Variants in UBXN4 observed in about 807,000 individuals in gnomAD.
UBXN4 encodes the protein UBX domain-containing protein 4.
In UBXN4, 35 loss-of-function variants were observed where a neutral mutation model predicts 66.2. The observed-to-expected ratio is 0.53, with a 90% CI of 0.40 to 0.70. The LOEUF is 0.70. Ranked by LOEUF, UBXN4 falls within the 30% of genes least tolerant of loss-of-function variation. UBXN4 has a pLI of 0.00. For synonymous variants in UBXN4, 203 were observed against 204.5 expected (o/e 0.99, Z 0.06); for missense variants, 533 against 599.8 (o/e 0.89, Z 1.16).
intron 1 of UBXN4, among the ~76,000 whole-genome samples, chr2:135,742,954 C>G (rs555453534): frequency 6.6e-6 from 1 of 152,268 alleles, no homozygotes; most frequent in Non-Finnish European, 1.5e-5. Flanking sequence ...CTATTTTGCT[C>G]CATATTCTCC....
chr2:135,778,341 A>G (rs1373174394), intron 10 of UBXN4, among the ~76,000 whole-genome samples: 2 of 151,734 alleles, frequency 1.3e-5, no homozygotes, highest in Non-Finnish European at 2.9e-5. Flanking sequence ...GGAATCTTCT[A>G]GGGAAAGATA....
chr2:135,767,964 T>G (rs1195385562), intron 6 of UBXN4, among the ~76,000 whole-genome samples: 1 of 152,158 alleles, frequency 6.6e-6, no homozygotes, highest in Non-Finnish European at 1.5e-5. Flanking sequence ...TGGAATCCCC[T>G]TCATATTGGG....
At chr2:135,746,661 A>G (rs1376835362) in intron 1 of UBXN4, among the ~76,000 whole-genome samples, 1 of 152,204 alleles carries the variant, frequency 6.6e-6, no homozygotes, top group Non-Finnish European at 1.5e-5. Flanking sequence ...AGAACATTCC[A>G]GGCAGAGGAA....
At position 135,780,089 on chromosome 2, in the gene UBXN4, C is replaced by T. The variant is rs544608586; in HGVS notation, c.1186-94C>T. The T allele has an allele frequency of 3.3e-4, 406 of 1,218,156 alleles. 2 individuals carry two copies. The East Asian group carries it at 9.6e-3, about 29-fold the overall frequency. The allele number at this position is 1,218,156 out of a possible 1,614,324, so 75.5% of individuals were successfully genotyped here. The stretch of plus-strand genomic sequence containing the variant: ...TTGAAGTAAACTAAAATTGGTAGGA[C>T]CTCCTTTTCCAGATAAAAGTTTCAT... On this transcript the variant is annotated intron_variant, in intron 11 of 12. Transcript: ENST00000272638.
At position 135,761,869 on chromosome 2, in the gene UBXN4, C is replaced by T. The variant is rs1221070827; in HGVS notation, c.560C>T (p.Ser187Leu). The T allele has an allele frequency of 6.2e-7, 1 of 1,613,614 alleles. No individual in the cohort carries two copies. The highest frequency in any genetic ancestry group is 8.5e-7 in the Non-Finnish European group (1 of 1,179,902). ...ATSSQEPSGC[S>L]DQRPAEDLNI... ...TCCTCTCAGGAGCCTAGTGGATGCT[C>T]AGATCAGAGACCTGCAGAGGACCTC... Residue 187 changes from serine (S) to leucine (L), a missense_variant, in exon 6 of 13, where the codon TCA (serine) becomes TTA (leucine). Ser to Leu is a moderately radical substitution (Grantham distance 145, BLOSUM62 -2). Coordinates refer to ENST00000272638, the MANE Select transcript of UBXN4 (RefSeq NM_014607.4).
chr2:135,776,493 T>G, intron 10 of UBXN4, 142 bp downstream of exon 10: 1 of 632,732 alleles, frequency 1.6e-6, no homozygotes, highest in Admixed American at 3.0e-5. Flanking sequence ...TGAGATATTG[T>G]GGAAATTCTG....
intron 1 of UBXN4, chr2:135,747,685 A>T: frequency 2.2e-6 from 1 of 456,328 alleles, no homozygotes; most frequent in Non-Finnish European, 4.4e-6. Context: ...CCCAGGCTGG[A>T]GTGCAGTGGT....
At chr2:135,754,074 A>G in intron 3 of UBXN4, 85 bp from the exon 4 acceptor site, 1 of 942,632 alleles carries the variant, frequency 1.1e-6, no homozygotes, top group Non-Finnish European at 1.6e-6. Flanking sequence ...CACAAAGATC[A>G]TTTGTTTTCC....
intron 11 of UBXN4, 123 bp from the exon 12 acceptor site, chr2:135,780,060 C>T: frequency 2.4e-5 from 19 of 778,348 alleles, no homozygotes; most frequent in South Asian, 5.8e-5. Context: ...ATCATTTTAC[C>T]CTCTTGAAGT....
At chr2:135,766,076 C>A (rs1366828246) in intron 6 of UBXN4, among the ~76,000 whole-genome samples, 1 of 151,790 alleles carries the variant, frequency 6.6e-6, no homozygotes, top group East Asian at 1.9e-4. Flanking sequence ...TTGCTTGAAC[C>A]CAGGACGTAG....
intron 10 of UBXN4, among the ~76,000 whole-genome samples, chr2:135,777,321 A>G (rs1419272037): frequency 6.6e-6 from 1 of 152,132 alleles, no homozygotes; most frequent in Non-Finnish European, 1.5e-5. Context: ...TTCAAGGTTA[A>G]AATTAGGGAT....
chr2:135,778,670 A>G (rs922899020), intron 10 of UBXN4, among the ~76,000 whole-genome samples: 1 of 152,188 alleles, frequency 6.6e-6, no homozygotes, highest in African/African-American at 2.4e-5. Context: ...GAGATACACA[A>G]TTGTCCATTT....
At chr2:135,757,994 T>C (rs1362710822) in intron 5 of UBXN4, among the ~76,000 whole-genome samples, 4 of 151,540 alleles carry the variant, frequency 2.6e-5, no homozygotes, top group Non-Finnish European at 4.4e-5. Context: ...CACTATAATC[T>C]CCAACTCCTG....
chr2:135,750,399 G>A (rs1050011909), intron 2 of UBXN4, among the ~76,000 whole-genome samples: 2 of 151,998 alleles, frequency 1.3e-5, no homozygotes, highest in East Asian at 1.9e-4. Context: ...ATTTCTACTC[G>A]GGAGGCTGAG....
At chr2:135,761,716 A>T in intron 5 of UBXN4, 102 bp from the exon 6 acceptor site, 1 of 996,358 alleles carries the variant, frequency 1.0e-6, no homozygotes, top group Non-Finnish European at 1.4e-6. Context: ...TATAATGCTT[A>T]AGATATAAAA....
chr2:135,760,712 T>C (rs1270714111), intron 5 of UBXN4, among the ~76,000 whole-genome samples: 1 of 152,222 alleles, frequency 6.6e-6, no homozygotes, highest in Non-Finnish European at 1.5e-5. Context: ...TAATTTCCTA[T>C]TGAGCCTCTA....
intron 11 of UBXN4, 169 bp from the exon 12 acceptor site, chr2:135,780,014 C>T (rs1281374562): frequency 1.8e-6 from 1 of 569,310 alleles, no homozygotes; most frequent in African/African-American, 1.9e-5. Flanking sequence ...TGGGAGTCTT[C>T]AGAAGTTTAT....
At chr2:135,742,074 G>GTA in intron 1 of UBXN4, 63 bp downstream of exon 1, 1 of 1,561,906 alleles carries the variant, frequency 6.4e-7, no homozygotes, top group Non-Finnish European at 8.7e-7. Context: ...TCATCCTCTT[G>GTA]TATACCTCAG....
Position 135,782,943 on chromosome 2 carries a change from T to C in UBXN4, c.*56T>C. ...TGTTTCTCTTATGATTTAATTCAACTAAAATTCTACTGGAGAAGTGGGACT... is the reference window on the plus strand; with the variant it reads ...TGTTTCTCTTATGATTTAATTCAACCAAAATTCTACTGGAGAAGTGGGACT... On this transcript the variant is annotated 3_prime_UTR_variant, in exon 13 of 13. Coordinates refer to ENST00000272638, the MANE Select transcript of UBXN4 (RefSeq NM_014607.4). 1 of 1,549,422 alleles carries C rather than the reference T, an allele frequency of 6.5e-7. No individual in the cohort carries two copies. Among genetic ancestry groups the C allele is most frequent in the East Asian group, 2.3e-5 (1 of 44,366 alleles).
Sources: allele counts gnomAD v4.1 joint callset (sites outside exome capture counted in the v4.1 genomes callset), GRCh38; gene constraint gnomAD v4.1.1; transcripts MANE v1.5; gene names NCBI Gene and HGNC (gene_info 2026-07-23, HGNC 2026-07-21).